Variants in RPAP3 observed in about 807,000 individuals in gnomAD.
RPAP3 encodes the protein RNA polymerase II-associated protein 3.
A neutral mutation model predicts 88.8 loss-of-function variants in RPAP3; 58 were observed. The ratio of observed to expected loss-of-function variants is 0.65; its 90% CI spans 0.53 to 0.81. The LOEUF (loss-of-function observed/expected upper bound fraction) is 0.81, where lower values mean the gene tolerates loss of function less well. Ranked by LOEUF, RPAP3 falls within the 40% of genes least tolerant of loss-of-function variation. The pLI is 0.00. For missense variants in RPAP3, 751 were observed against 764.3 expected, an observed-to-expected ratio of 0.98 and a Z score of 0.20; for synonymous variants, 255 against 259.9, an observed-to-expected ratio of 0.98 and a Z score of 0.18.
rs374367674 is a variant in RPAP3, at chr12:47,702,764, C to A, written c.77G>T (p.Arg26Leu). The A allele has an allele frequency of 1.6e-4, 260 of 1,611,898 alleles. No individual in the cohort carries two copies. Among genetic ancestry groups the A allele is most frequent in the Non-Finnish European group, 2.1e-4 (247 of 1,178,492 alleles). The change falls in exon 2 of 17, where the codon CGG (arginine) becomes CTG (leucine). Residue 26 changes from arginine (R) to leucine (L), a missense_variant. Coordinates refer to ENST00000005386, the MANE Select transcript of RPAP3 (RefSeq NM_024604.3). The stretch of plus-strand genomic sequence containing the variant: ...GTCTTTTTCCCAGTTTTCTAAATCC[C>A]GCATAAAGTCTTGTAATTCTTCTGC... Reference protein sequence around the residue: ...QNAEELQDFMRDLENWEKDIK... With the variant: ...QNAEELQDFMLDLENWEKDIK...
intron 5 of RPAP3, among the ~76,000 whole-genome samples, chr12:47,695,476 C>G (rs1939507513): frequency 1.3e-5 from 2 of 151,986 alleles, no homozygotes; most frequent in African/African-American, 4.8e-5. Flanking sequence ...AGGCAAGGGA[C>G]AGGATACAGA....
Position 47,700,280 on chromosome 12 carries a change from G to A in RPAP3, c.294+1184C>T, listed in dbSNP as rs563539048. The A allele has an allele frequency of 2.6e-5, 4 of 152,254 alleles. No individual in the cohort carries two copies. The South Asian group carries it at 8.3e-4, about 32-fold the overall frequency. The allele number at this position is 152,254 out of a possible 1,614,324, so 9.4% of individuals were successfully genotyped here. On this transcript the variant is annotated intron_variant, in intron 3 of 16. Transcript: ENST00000005386. Reference sequence around the variant, plus strand: ...AAGAAAATAATAAACAGAGAAATCAGACAGTGGTTACCTCTGGGAGTAGAG... The same window carrying A: ...AAGAAAATAATAAACAGAGAAATCAAACAGTGGTTACCTCTGGGAGTAGAG...
intron 6 of RPAP3, 114 bp downstream of exon 6, chr12:47,690,404 G>T: frequency 1.2e-6 from 1 of 853,422 alleles, no homozygotes; most frequent in Non-Finnish European, 1.7e-6. Context: ...AATGACCTTT[G>T]TTCAAATACA....
At chr12:47,664,643 A>G (rs1938830369) in intron 16 of RPAP3, 3 of 152,230 alleles carry the variant, frequency 2.0e-5, no homozygotes, top group African/African-American at 7.2e-5. Context: ...CTTAGCAGAC[A>G]GTGGAAACCC....
chr12:47,677,894 A>C (rs898174849), intron 12 of RPAP3, among the ~76,000 whole-genome samples: 58 of 152,200 alleles, frequency 3.8e-4, no homozygotes, highest in Non-Finnish European at 2.8e-4. Flanking sequence ...TTGGAAAAAA[A>C]CTACTTTAAA....
At position 47,670,137 on chromosome 12, in the gene RPAP3, A is replaced by G; in HGVS notation, c.1496T>C (p.Ile499Thr). Residue 499 changes from isoleucine (I) to threonine (T), a missense_variant, in exon 13 of 17, where the codon ATA (isoleucine) becomes ACA (threonine). By Grantham distance (89) the Ile-to-Thr change is moderately conservative. Transcript: ENST00000005386. ...GGATGAAGTATCACTGACTTCTTCT[A>G]TTTTCAATACTTTTGCTCTTGGAGT... ...SDTPRAKVLK[I>T]EEVSDTSSLQ... The G allele has an allele frequency of 6.2e-7, 1 of 1,611,300 alleles. No individual in the cohort carries two copies. Among genetic ancestry groups the G allele is most frequent in the Non-Finnish European group, 8.5e-7 (1 of 1,177,500 alleles).
intron 12 of RPAP3, among the ~76,000 whole-genome samples, chr12:47,671,777 T>A (rs1403600202): frequency 6.6e-6 from 1 of 152,192 alleles, no homozygotes; most frequent in Non-Finnish European, 1.5e-5. Context: ...TTGGTCTCTG[T>A]TAAGTGTAGA....
At chr12:47,688,425 C>T (rs1017283442) in intron 7 of RPAP3, among the ~76,000 whole-genome samples, 4 of 151,898 alleles carry the variant, frequency 2.6e-5, no homozygotes, top group Non-Finnish European at 5.9e-5. Context: ...ATACCCCAAA[C>T]CTCAGTATCA....
In RPAP3 at chr12:47,672,629, AT is replaced by A. The variant is rs142939994; in HGVS notation, c.1288-2285del. ...TCTACTTTTTAAAAATAATGCCGACATTTTTTTTTATCATGAAGATCCATTA... is the reference window on the plus strand; with the variant it reads ...TCTACTTTTTAAAAATAATGCCGACATTTTTTTTATCATGAAGATCCATTA... On this transcript the variant is annotated intron_variant, in intron 12 of 16. Transcript: ENST00000005386. Among the ~76,000 whole-genome samples the A allele has an allele frequency of 4.2e-3, 629 of 151,500 alleles. 7 individuals are homozygous for A. The highest frequency in any genetic ancestry group is 0.015 in the African/African-American group (608 of 41,328).
intron 12 of RPAP3, among the ~76,000 whole-genome samples, chr12:47,677,978 AGG>A (rs1939149982): frequency 6.6e-6 from 1 of 152,230 alleles, no homozygotes; most frequent in Non-Finnish European, 1.5e-5. Context: ...TGGAGGCATC[AGG>A]CTACCTGACC....
chr12:47,682,539 T>C (rs1939242514), intron 9 of RPAP3, among the ~76,000 whole-genome samples: 1 of 152,208 alleles, frequency 6.6e-6, no homozygotes, highest in Admixed American at 6.5e-5. Flanking sequence ...ATAATGTTTA[T>C]GATTTGCTTT....
At chr12:47,678,076 G>A (rs1939151848) in intron 12 of RPAP3, among the ~76,000 whole-genome samples, 2 of 152,060 alleles carry the variant, frequency 1.3e-5, no homozygotes, top group Non-Finnish European at 2.9e-5. Flanking sequence ...ACAGAACAGA[G>A]GCCTCAGAAA....
intron 9 of RPAP3, 83 bp from the exon 10 acceptor site, chr12:47,681,900 A>T (rs913458172): frequency 4.5e-6 from 6 of 1,322,724 alleles, no homozygotes. Context: ...TAATTTAAAA[A>T]GCTTGTATAT....
chr12:47,690,567 T>C lies in RPAP3; in HGVS notation c.618A>G (p.Arg206=), dbSNP rs1939409854. 6.2e-7 allele frequency: 1 copy of C among 1,605,398 alleles called. No individual in the cohort carries two copies. The highest frequency in any genetic ancestry group is 1.3e-5 in the African/African-American group (1 of 74,776). The change falls in exon 6 of 17, where the codon AGA becomes AGG. Residue 206 remains arginine (R), a synonymous_variant. Coordinates refer to ENST00000005386, the MANE Select transcript of RPAP3 (RefSeq NM_024604.3). ...LNRSYTKAYS[R]RGAARFALQK... is the part of the protein sequence containing the mutation. ...GCAAAGCAAATCGAGCAGCACCTCG[T>C]CTGGAATAAGCCTTTGTATAACTTC...
At chr12:47,674,189 A>G (rs1263081355) in intron 12 of RPAP3, among the ~76,000 whole-genome samples, 1 of 151,818 alleles carries the variant, frequency 6.6e-6, no homozygotes, top group African/African-American at 2.4e-5. Context: ...TCCAATCTGC[A>G]GCTCCCAGCG....
intron 1 of RPAP3, among the ~76,000 whole-genome samples, chr12:47,705,364 A>G (rs1939768296): frequency 6.6e-6 from 1 of 152,236 alleles, no homozygotes; most frequent in Non-Finnish European, 1.5e-5. Flanking sequence ...GTTTGACCAT[A>G]TATGCACAAC....
At chr12:47,678,148 A>C (rs1023695579) in intron 12 of RPAP3, among the ~76,000 whole-genome samples, 1 of 152,242 alleles carries the variant, frequency 6.6e-6, no homozygotes, top group Non-Finnish European at 1.5e-5. Context: ...AGAAATGGGA[A>C]AAGGATTCCC....
rs373147823 is a variant in RPAP3, at chr12:47,670,120, T to G, written c.1513A>C (p.Thr505Pro). ...KVLKIEEVSD[T>P]SSLQPQASLK... ...ATTTCTACTCACTGCAGGGATGAAG[T>G]ATCACTGACTTCTTCTATTTTCAAT... Residue 505 changes from threonine (T) to proline (P), a missense_variant, in exon 13 of 17, where the codon ACT becomes CCT. Thr to Pro is a conservative substitution (Grantham distance 38, BLOSUM62 -1). Coordinates refer to ENST00000005386, the MANE Select transcript of RPAP3 (RefSeq NM_024604.3). The G allele has an allele frequency of 3.4e-5, 54 of 1,591,580 alleles. No individual in the cohort carries two copies. The highest frequency in any genetic ancestry group is 2.5e-4 in the East Asian group (11 of 44,736).
intron 5 of RPAP3, among the ~76,000 whole-genome samples, chr12:47,691,023 T>C (rs1939418000): frequency 6.6e-6 from 1 of 152,226 alleles, no homozygotes; most frequent in Admixed American, 6.5e-5. Context: ...AATCTGAGTC[T>C]TTAGTGAATA....
Sources: gnomAD v4.1 joint callset for allele counts (sites outside exome capture counted in the v4.1 genomes callset) on GRCh38, gnomAD v4.1.1 for gene constraint, MANE v1.5 for transcripts, NCBI Gene and HGNC (gene_info 2026-07-23, HGNC 2026-07-21) for gene names.